The following INTS4 variants were observed in gnomAD, a reference collection of about 807,000 sequenced individuals.
INTS4 encodes integrator complex subunit 4.
In INTS4, 70 loss-of-function variants were observed where a neutral mutation model predicts 119.5. That is an observed-to-expected ratio of 0.59 (90% CI 0.48 to 0.71). INTS4 has a LOEUF of 0.71. Among genes scored for constraint, INTS4 ranks in the 30% least tolerant of loss-of-function variants. The probability of loss-of-function intolerance (pLI) is 0.00; values close to 1 mark genes in which losing one functional copy is unlikely to be tolerated. For synonymous variants in INTS4, 316 were observed against 419.6 expected (o/e 0.75, Z 3.02); for missense variants, 867 against 1,173.2 (o/e 0.74, Z 3.81).
intron 8 of INTS4, 32 bp downstream of exon 8, chr11:77,955,910 G>A: frequency 3.2e-6 from 5 of 1,557,866 alleles, no homozygotes; most frequent in Non-Finnish European, 4.4e-6. Flanking sequence ...ATATATACAT[G>A]CATACATACA....
At chr11:77,954,107 T>TA (rs1209836179) in intron 8 of INTS4, among the ~76,000 whole-genome samples, 1 of 152,142 alleles carries the variant, frequency 6.6e-6, no homozygotes, top group Admixed American at 6.5e-5. Context: ...CCACAAAAGT[T>TA]AAAAATTTTC....
intron 10 of INTS4, among the ~76,000 whole-genome samples, chr11:77,937,784 T>C (rs556343354): frequency 4.6e-4 from 70 of 151,950 alleles, no homozygotes; most frequent in African/African-American, 1.6e-3. Flanking sequence ...AACTTATTAA[T>C]CTAGAATTGT....
intron 11 of INTS4, among the ~76,000 whole-genome samples, chr11:77,925,146 T>C (rs1380407544): frequency 6.6e-6 from 1 of 152,128 alleles, no homozygotes; most frequent in Non-Finnish European, 1.5e-5. Flanking sequence ...ATGCTGAAGG[T>C]ACAAGAGCCT....
At chr11:77,947,902 G>A (rs760348030) in intron 8 of INTS4, among the ~76,000 whole-genome samples, 1 of 152,104 alleles carries the variant, frequency 6.6e-6, no homozygotes, top group African/African-American at 2.4e-5. Flanking sequence ...AGAGCATAGT[G>A]GCCTGATCAC....
chr11:77,935,179 C>A (rs888781482), intron 10 of INTS4, among the ~76,000 whole-genome samples: 1 of 152,178 alleles, frequency 6.6e-6, no homozygotes, highest in Non-Finnish European at 1.5e-5. Context: ...CCAGCTTTAT[C>A]CTCCAAGGAT....
intron 18 of INTS4, among the ~76,000 whole-genome samples, chr11:77,895,862 C>G (rs1294709327): frequency 1.3e-5 from 2 of 152,158 alleles, no homozygotes; most frequent in Non-Finnish European, 2.9e-5. Context: ...AAGTAGGCCT[C>G]TAAGAACTCC....
At chr11:77,876,399 G>C (rs542196408), downstream of INTS4, among the ~76,000 whole-genome samples, 17 of 147,984 alleles carry the variant, frequency 1.1e-4, no homozygotes, top group African/African-American at 4.0e-4. Context: ...TTTATAAAAA[G>C]GTCTTTTTTT....
chr11:77,957,663 C>CT (rs1159914263), intron 7 of INTS4, among the ~76,000 whole-genome samples: 16,797 of 110,706 alleles, frequency 0.15, 1,906 homozygotes, highest in Non-Finnish European at 0.2. Flanking sequence ...AACTGAACTT[C>CT]TTTTTTTTTT....
intron 8 of INTS4, among the ~76,000 whole-genome samples, chr11:77,944,731 A>G (rs1954007001): frequency 6.6e-6 from 1 of 152,258 alleles, no homozygotes; most frequent in Non-Finnish European, 1.5e-5. Context: ...GAGTACCAAC[A>G]TGATGCTCAA....
chr11:77,940,162 C>T (rs1953895616), intron 9 of INTS4, among the ~76,000 whole-genome samples: 1 of 152,152 alleles, frequency 6.6e-6, no homozygotes, highest in Non-Finnish European at 1.5e-5. Flanking sequence ...GGCACAATGG[C>T]TCACATCTGT....
intron 13 of INTS4, among the ~76,000 whole-genome samples, chr11:77,921,825 GTT>G (rs1953368416): frequency 6.6e-6 from 1 of 152,202 alleles, no homozygotes; most frequent in African/African-American, 2.4e-5. Flanking sequence ...GAGGTCAGGA[GTT>G]TGAGACCAGC....
intron 22 of INTS4, among the ~76,000 whole-genome samples, chr11:77,880,926 A>G (rs919929475): frequency 6.6e-6 from 1 of 151,778 alleles, no homozygotes; most frequent in Non-Finnish European, 1.5e-5. Context: ...CCTGTCTCAA[A>G]ACAAACAAAC....
At chr11:77,982,429 C>G (rs945415741) in intron 2 of INTS4, among the ~76,000 whole-genome samples, 1 of 152,146 alleles carries the variant, frequency 6.6e-6, no homozygotes, top group South Asian at 2.1e-4. Flanking sequence ...TGAGCCACCA[C>G]GCTCAGCCCT....
intron 9 of INTS4, among the ~76,000 whole-genome samples, chr11:77,939,498 C>A (rs895962450): frequency 3.3e-5 from 5 of 151,822 alleles, no homozygotes; most frequent in African/African-American, 4.8e-5. Flanking sequence ...GGCAACATTG[C>A]GTTCTATTTC....
intron 21 of INTS4, among the ~76,000 whole-genome samples, chr11:77,886,754 C>T (rs970226445): frequency 2.1e-5 from 3 of 142,766 alleles, no homozygotes; most frequent in Admixed American, 6.9e-5. Flanking sequence ...AGGCGCCCGG[C>T]GAGGGGGCGG....
At chr11:77,936,400 T>C (rs1241937439) in intron 10 of INTS4, among the ~76,000 whole-genome samples, 1 of 152,220 alleles carries the variant, frequency 6.6e-6, no homozygotes, top group Non-Finnish European at 1.5e-5. Context: ...TTCTTTTTTT[T>C]GAGACAGGGT....
chr11:77,935,624 G>C (rs1388283386), intron 10 of INTS4, among the ~76,000 whole-genome samples: 1 of 152,060 alleles, frequency 6.6e-6, no homozygotes, highest in African/African-American at 2.4e-5. Flanking sequence ...AGCCAGGTGT[G>C]GTGGCTTACG....
chr11:77,983,913 G>C (rs1041363550), intron 2 of INTS4, among the ~76,000 whole-genome samples: 5 of 152,124 alleles, frequency 3.3e-5, no homozygotes, highest in Non-Finnish European at 5.9e-5. Context: ...GCAGGGTCTT[G>C]AAGAAATATT....
rs1263701874 is a variant in INTS4, at chr11:77,918,856, A to T, written c.1887T>A (p.Pro629=). 6.2e-7 allele frequency: 1 copy of T among 1,613,832 alleles called. No individual in the cohort carries two copies. The highest frequency in any genetic ancestry group is 1.3e-5 in the African/African-American group (1 of 75,038). The change falls in exon 15 of 23, where the codon CCT becomes CCA. Residue 629 remains proline (P), a synonymous_variant. Coordinates refer to ENST00000534064, the MANE Select transcript of INTS4 (RefSeq NM_033547.4). ...ERVYSLQHLD[P]QGAQELLEFT... is the part of the protein sequence containing the mutation. ...ATTCCAGCAGCTCCTGGGCTCCCTG[A>T]GGGTCCAAGTGCTGAAGACTATACA...
Sources: gnomAD v4.1 joint callset for allele counts (sites outside exome capture counted in the v4.1 genomes callset) on GRCh38, gnomAD v4.1.1 for gene constraint, MANE v1.5 for transcripts, NCBI Gene and HGNC (gene_info 2026-07-23, HGNC 2026-07-21) for gene names.